The following TLK1 variants were observed in gnomAD, a reference collection of about 807,000 sequenced individuals.
The protein encoded by TLK1 is tousled like kinase 1.
TLK1 carries 24 observed loss-of-function variants against 105.3 expected under a neutral mutation model. The ratio of observed to expected loss-of-function variants is 0.23; its 90% CI spans 0.17 to 0.32. The LOEUF (loss-of-function observed/expected upper bound fraction) is 0.32. TLK1 is among the 10% of genes least tolerant of loss of function. The pLI is 1.00. For missense variants in TLK1, 558 were observed against 910.5 expected (o/e 0.61, Z 4.98); for synonymous variants, 321 against 310.4 (o/e 1.03, Z -0.36).
Position 170,998,591 on chromosome 2 carries a change from TTC to T in TLK1, c.1905-770_1905-769del, listed in dbSNP as rs568572561. On this transcript the variant is annotated intron_variant, in intron 18 of 20. Coordinates refer to ENST00000431350, the MANE Select transcript of TLK1 (RefSeq NM_012290.5). ...TGCTTCTCCCCAGGTGGCTCTGCTT[TTC>T]TCTGTGTTACTGCAGAATGGTGCAA... 2.5e-3 allele frequency among the ~76,000 whole-genome samples: 374 copies of T among 152,292 alleles called. 2 individuals carry two copies. The highest frequency in any genetic ancestry group is 8.1e-3 in the South Asian group (39 of 4,820).
chr2:171,069,491 T>C (rs1688153821), intron 3 of TLK1, among the ~76,000 whole-genome samples: 1 of 152,206 alleles, frequency 6.6e-6, no homozygotes, highest in South Asian at 2.1e-4. Context: ...GTTGACGCAC[T>C]GAGGATGGCG....
chr2:171,103,506 T>C (rs1055581128), intron 2 of TLK1, among the ~76,000 whole-genome samples: 1 of 151,916 alleles, frequency 6.6e-6, no homozygotes, highest in East Asian at 1.9e-4. Context: ...CCTCCCAAAG[T>C]GGTGGGATTA....
At chr2:171,022,227 G>A (rs897344663) in intron 12 of TLK1, among the ~76,000 whole-genome samples, 3 of 151,800 alleles carry the variant, frequency 2.0e-5, no homozygotes, top group Non-Finnish European at 4.4e-5. Context: ...TGGAAAAATA[G>A]AGCCAGGATA....
chr2:171,066,728 A>T, intron 3 of TLK1: 1 of 1,037,588 alleles, frequency 9.6e-7, no homozygotes, highest in Non-Finnish European at 1.4e-6. Flanking sequence ...TCACTTACGT[A>T]GTCTATTTCC....
Position 170,997,897 on chromosome 2 carries a change from T to G in TLK1, c.1905-74A>C, listed in dbSNP as rs1010448964. On this transcript the variant is annotated intron_variant, in intron 18 of 20. Transcript: ENST00000431350. ...CTTAAAATCTTCTAAGTGTAAAATC[T>G]TAGAACACGAATTTTATTCATATAT... The G allele has an allele frequency of 2.2e-5, 19 of 861,492 alleles. No individual in the cohort carries two copies. In the African/African-American group the frequency reaches 3.2e-4, roughly 15 times the overall value. 53.4% of individuals were successfully genotyped at this position (861,492 alleles called of 1,614,324 possible). A position where few individuals can be genotyped will look rare whatever the true frequency, so the allele number is the denominator to read the frequency against.
intron 1 of TLK1, among the ~76,000 whole-genome samples, chr2:171,167,680 C>T (rs185682034): frequency 6.6e-6 from 1 of 152,050 alleles, no homozygotes; most frequent in East Asian, 1.9e-4. Flanking sequence ...AAAAGAAAAC[C>T]CTTGGTCCAT....
intron 2 of TLK1, among the ~76,000 whole-genome samples, chr2:171,083,290 TA>T (rs1474916429): frequency 6.6e-6 from 1 of 152,198 alleles, no homozygotes; most frequent in Non-Finnish European, 1.5e-5. Context: ...CCTTTCTCTG[TA>T]TTAACAAACT....
chr2:171,066,053 A>G (rs1286748550), intron 3 of TLK1, among the ~76,000 whole-genome samples: 1 of 152,170 alleles, frequency 6.6e-6, no homozygotes, highest in African/African-American at 2.4e-5. Context: ...TGAAATATGC[A>G]CATCCGAATT....
At chr2:171,039,078 A>AT (rs997468811) in intron 11 of TLK1, among the ~76,000 whole-genome samples, 8 of 151,592 alleles carry the variant, frequency 5.3e-5, no homozygotes, top group South Asian at 2.1e-4. Flanking sequence ...ATTTCTAATA[A>AT]TTTTTTTTGT....
At chr2:171,196,049 A>AAG (rs1255890489) in intron 1 of TLK1, among the ~76,000 whole-genome samples, 58 of 150,456 alleles carry the variant, frequency 3.9e-4, no homozygotes, top group Non-Finnish European at 6.4e-4. Flanking sequence ...AAAAAAAAAA[A>AAG]AAAGAAAGAA....
At chr2:171,020,781 AAC>A (rs1346740359) in intron 12 of TLK1, among the ~76,000 whole-genome samples, 1 of 152,158 alleles carries the variant, frequency 6.6e-6, no homozygotes, top group Non-Finnish European at 1.5e-5. Flanking sequence ...TGACTTTTGA[AAC>A]TATTGCACCA....
At chr2:171,122,019 T>A (rs1357723627) in intron 1 of TLK1, among the ~76,000 whole-genome samples, 1 of 152,236 alleles carries the variant, frequency 6.6e-6, no homozygotes, top group Non-Finnish European at 1.5e-5. Context: ...CAATCTTGGC[T>A]CACTGCAACC....
At chr2:170,998,452 T>C (rs1165832376) in intron 18 of TLK1, among the ~76,000 whole-genome samples, 1 of 152,184 alleles carries the variant, frequency 6.6e-6, no homozygotes, top group African/African-American at 2.4e-5. Context: ...CACTCGGCTC[T>C]CCTTTATCCT....
At chr2:171,100,568 C>G (rs1430250228) in intron 2 of TLK1, among the ~76,000 whole-genome samples, 2 of 152,146 alleles carry the variant, frequency 1.3e-5, no homozygotes, top group Non-Finnish European at 2.9e-5. Flanking sequence ...GCCTGCAGAG[C>G]CAAGAGCTAA....
At chr2:171,129,245 A>G (rs1268334959) in intron 1 of TLK1, among the ~76,000 whole-genome samples, 1 of 152,202 alleles carries the variant, frequency 6.6e-6, no homozygotes, top group Non-Finnish European at 1.5e-5. Flanking sequence ...ACAAAAATAT[A>G]AAAGTAAAAA....
chr2:171,188,722 A>AG (rs1258560054), intron 1 of TLK1, among the ~76,000 whole-genome samples: 4 of 151,226 alleles, frequency 2.6e-5, no homozygotes, highest in Non-Finnish European at 4.4e-5. Flanking sequence ...AAAAAAAAAA[A>AG]AAAGAAAATT....
intron 1 of TLK1, among the ~76,000 whole-genome samples, chr2:171,229,751 G>A (rs376852448): frequency 6.6e-6 from 1 of 152,134 alleles, no homozygotes; most frequent in African/African-American, 2.4e-5. Flanking sequence ...TATTGCCTCC[G>A]CCTAAGAACA....
intron 11 of TLK1, among the ~76,000 whole-genome samples, chr2:171,043,133 T>G (rs1371699813): frequency 6.6e-6 from 1 of 151,928 alleles, no homozygotes; most frequent in African/African-American, 2.4e-5. Flanking sequence ...AGAGAAACAT[T>G]AAGATGACAG....
intron 2 of TLK1, among the ~76,000 whole-genome samples, chr2:171,105,369 A>G (rs1040788957): frequency 3.3e-5 from 5 of 152,236 alleles, no homozygotes; most frequent in African/African-American, 1.2e-4. Flanking sequence ...TACAAAAACC[A>G]TACAAATTTT....
Sources: gnomAD v4.1 joint callset for allele counts (sites outside exome capture counted in the v4.1 genomes callset) on GRCh38, gnomAD v4.1.1 for gene constraint, MANE v1.5 for transcripts, NCBI Gene and HGNC (gene_info 2026-07-23, HGNC 2026-07-21) for gene names.